LRP2BP: variants seen among roughly 807,000 people sequenced by gnomAD.
LRP2BP encodes the protein LRP2 binding protein, also known as LRP2-binding protein.
A neutral mutation model predicts 45.2 loss-of-function variants in LRP2BP; 38 were observed. The ratio of observed to expected loss-of-function variants is 0.84; its 90% CI spans 0.65 to 1.10. LRP2BP has a LOEUF of 1.10. Among genes scored for constraint, LRP2BP ranks in the 50% least tolerant of loss-of-function variants. The pLI, the probability that LRP2BP is intolerant of heterozygous loss-of-function variation, is 0.00. For missense variants in LRP2BP, 385 were observed against 418.9 expected, an observed-to-expected ratio of 0.92 and a Z score of 0.71; for synonymous variants, 153 against 153.9, an observed-to-expected ratio of 0.99 and a Z score of 0.04.
At chr4:185,372,349 C>G (rs2095418846) in intron 7 of LRP2BP, among the ~76,000 whole-genome samples, 1 of 152,156 alleles carries the variant, frequency 6.6e-6, no homozygotes, top group South Asian at 2.1e-4. Context: ...TTGTGCTATC[C>G]AGTATGGTAA....
rs930739491 is a variant in LRP2BP, at chr4:185,384,879, G to A, written c.-21-6672C>T. 7.9e-5 allele frequency among the ~76,000 whole-genome samples: 12 copies of A among 151,750 alleles called. 1 individual carries two copies. Among genetic ancestry groups the A allele is most frequent in the African/African-American group, 1.7e-4 (7 of 41,344 alleles). ...AGTAGCTTTCTGTTCTTCCCACTCC[G>A]CCCTGCATCCCCCTCCCCGCCCCCC... On this transcript the variant is annotated intron_variant, in intron 1 of 8. Transcript: ENST00000505916.
intron 1 of LRP2BP, among the ~76,000 whole-genome samples, chr4:185,388,812 C>A (rs970265368): frequency 1.3e-4 from 19 of 151,394 alleles, no homozygotes; most frequent in African/African-American, 4.6e-4. Flanking sequence ...ACATCCTACT[C>A]AAATTAATCT....
rs753634565 is a variant in LRP2BP at position 185,374,478 on chromosome 4, A to T, written c.331-17T>A. ...CCCTTTCTCCTTCGACAAAAGAAAGAGCAAAAAAACCCTAGTTTTTAGTTT... is the reference window on the plus strand; with the variant it reads ...CCCTTTCTCCTTCGACAAAAGAAAGTGCAAAAAAACCCTAGTTTTTAGTTT... On this transcript the variant is annotated splice_polypyrimidine_tract_variant and intron_variant, in intron 4 of 8. Coordinates refer to ENST00000505916, the MANE Select transcript of LRP2BP (RefSeq NM_001377440.1). 1 of 1,605,152 alleles carries T rather than the reference A, an allele frequency of 6.2e-7. No homozygotes were observed. The highest frequency in any genetic ancestry group is 1.1e-5 in the South Asian group (1 of 89,096).
chr4:185,390,396 G>T (rs554024545), intron 1 of LRP2BP, among the ~76,000 whole-genome samples: 1 of 152,016 alleles, frequency 6.6e-6, no homozygotes, highest in Non-Finnish European at 1.5e-5. Flanking sequence ...GCCCATGCCT[G>T]TAGTCCCAGC....
At chr4:185,388,709 A>T (rs2095479244) in intron 1 of LRP2BP, among the ~76,000 whole-genome samples, 1 of 152,176 alleles carries the variant, frequency 6.6e-6, no homozygotes, top group Admixed American at 6.5e-5. Flanking sequence ...TATGCTATGT[A>T]TTCATCTACT....
chr4:185,396,871 T>C (rs901698461), upstream of LRP2BP: 3 of 1,595,984 alleles, frequency 1.9e-6, no homozygotes, highest in Non-Finnish European at 2.6e-6. Context: ...GTGCGGCGAG[T>C]GTCTCACCTC....
At chr4:185,383,528 T>C (rs2095461666) in intron 1 of LRP2BP, among the ~76,000 whole-genome samples, 1 of 152,102 alleles carries the variant, frequency 6.6e-6, no homozygotes, top group South Asian at 2.1e-4. Flanking sequence ...GTTAGTGTCG[T>C]TTGTGGGTTG....
intron 1 of LRP2BP, chr4:185,378,491 T>TG: frequency 8.9e-7 from 1 of 1,129,620 alleles, no homozygotes; most frequent in African/African-American, 1.6e-5. Context: ...TACATCAAGA[T>TG]GGGTCAAGTC....
At chr4:185,378,908 C>G in intron 1 of LRP2BP, 1 of 985,352 alleles carries the variant, frequency 1.0e-6, no homozygotes, top group South Asian at 4.7e-5. Flanking sequence ...AACAAGCTTC[C>G]AGCAAAGGTT....
intron 1 of LRP2BP, among the ~76,000 whole-genome samples, chr4:185,385,302 G>A (rs867856047): frequency 2.1e-4 from 32 of 151,670 alleles, no homozygotes; most frequent in African/African-American, 5.3e-4. Context: ...AATACACTCC[G>A]GGATGATTTA....
upstream of LRP2BP, chr4:185,397,074 G>C: frequency 6.2e-7 from 1 of 1,609,130 alleles, no homozygotes; most frequent in Non-Finnish European, 8.5e-7. Context: ...TGTGAAGGGC[G>C]GGGAGGTTTC....
At chr4:185,391,874 C>T (rs2095489255) in intron 1 of LRP2BP, among the ~76,000 whole-genome samples, 1 of 152,142 alleles carries the variant, frequency 6.6e-6, no homozygotes, top group Non-Finnish European at 1.5e-5. Context: ...TCACAGCAGG[C>T]AGAGCTAGGA....
At chr4:185,382,416 A>G (rs1221029560) in intron 1 of LRP2BP, among the ~76,000 whole-genome samples, 1 of 152,150 alleles carries the variant, frequency 6.6e-6, no homozygotes, top group African/African-American at 2.4e-5. Context: ...TGGTAATTCT[A>G]TGTTTGACAT....
chr4:185,390,311 G>A (rs1252238550), intron 1 of LRP2BP, among the ~76,000 whole-genome samples: 1 of 152,102 alleles, frequency 6.6e-6, no homozygotes, highest in African/African-American at 2.4e-5. Flanking sequence ...AGGAGTTCAA[G>A]ACCAGCCTGA....
At position 185,365,689 on chromosome 4, in the gene LRP2BP, A is replaced by G. The variant is rs1180558206; in HGVS notation, c.*1491T>C. ...CAGGAGACTCCGTCTCAAAAAAAAA[A>G]AAATAATAATAATAATAATAATAAT... On this transcript the variant is annotated 3_prime_UTR_variant, in exon 9 of 9. Transcript: ENST00000505916. 1 of 146,400 alleles carries G rather than the reference A, an allele frequency of 6.8e-6. No individual in the cohort carries two copies. The highest frequency in any genetic ancestry group is 1.5e-5 in the Non-Finnish European group (1 of 66,772). 9.1% of individuals were successfully genotyped at this position (146,400 alleles called of 1,614,324 possible). A position where few individuals can be genotyped will look rare whatever the true frequency, so the allele number is the denominator to read the frequency against.
Position 185,364,525 on chromosome 4 carries a change from T to C in LRP2BP, c.*2655A>G, listed in dbSNP as rs2126766655. 6.6e-6 allele frequency: 1 copy of C among 152,340 alleles called. No individual in the cohort carries two copies. The highest frequency in any genetic ancestry group is 1.9e-4 in the East Asian group (1 of 5,190). The allele number at this position is 152,340 out of a possible 1,614,324, so 9.4% of individuals were successfully genotyped here. On this transcript the variant is annotated 3_prime_UTR_variant, in exon 9 of 9. Transcript: ENST00000505916. ...AAGATACTCCCCTCATGCCCTAGGA[T>C]GTAACCTATGCCAGTTTATATACGT...
chr4:185,379,004 T>C, intron 1 of LRP2BP: 1 of 983,896 alleles, frequency 1.0e-6, no homozygotes, highest in Non-Finnish European at 1.2e-6. Context: ...GATGCTATTT[T>C]AGACAATAAA....
intron 7 of LRP2BP, 21 bp downstream of exon 7, chr4:185,372,835 A>C: frequency 2.6e-6 from 4 of 1,562,534 alleles, no homozygotes; most frequent in Non-Finnish European, 3.5e-6. Context: ...ACAGCAGCAC[A>C]GAACAGACAA....
Position 185,367,277 on chromosome 4 carries a change from A to C in LRP2BP, c.979-32T>G, listed in dbSNP as rs1318310336. On this transcript the variant is annotated intron_variant, in intron 8 of 8. Transcript: ENST00000505916. ...ATCAAAAAGAGTCAGATATTTAGAT[A>C]CATTCTAATTGTTTGGGTCTTTCTT... is the stretch of plus-strand genomic sequence containing the variant. 10 of 1,574,962 alleles carry C rather than the reference A, an allele frequency of 6.3e-6. No individual in the cohort carries two copies. The South Asian group carries it at 1.1e-4, about 18-fold the overall frequency.
Sources: gnomAD v4.1 joint callset for allele counts (sites outside exome capture counted in the v4.1 genomes callset) on GRCh38, gnomAD v4.1.1 for gene constraint, MANE v1.5 for transcripts, NCBI Gene and HGNC (gene_info 2026-07-23, HGNC 2026-07-21) for gene names.